Variants in COL8A1 observed in about 807,000 individuals in gnomAD.
The protein encoded by COL8A1 is collagen type VIII alpha 1 chain, also known as collagen alpha-1(VIII) chain.
COL8A1 carries 21 observed loss-of-function variants against 42.7 expected under a neutral mutation model. The ratio of observed to expected loss-of-function variants is 0.49; its 90% confidence interval spans 0.35 to 0.71. The LOEUF is 0.71. Ranked by LOEUF, COL8A1 falls within the 30% of genes least tolerant of loss-of-function variation. The probability of loss-of-function intolerance (pLI) is 0.01; values close to 1 mark genes in which losing one functional copy is unlikely to be tolerated. For missense variants in COL8A1, 788 were observed against 962.4 expected, an observed-to-expected ratio of 0.82 and a Z score of 2.40; for synonymous variants, 367 against 369.1, an observed-to-expected ratio of 0.99 and a Z score of 0.06.
At chr3:99,667,960 C>T (rs1235636103) in intron 1 of COL8A1, among the ~76,000 whole-genome samples, 1 of 151,982 alleles carries the variant, frequency 6.6e-6, no homozygotes, top group Non-Finnish European at 1.5e-5. Context: ...ATCTAATATG[C>T]TTAATAAGAA....
Position 99,643,643 on chromosome 3 carries a change from T to C in COL8A1, c.-129+4979T>C, listed in dbSNP as rs1189880841. Among the ~76,000 whole-genome samples the C allele has an allele frequency of 2.6e-5, 4 of 152,230 alleles. No homozygotes were observed. In the East Asian group the frequency reaches 7.7e-4, roughly 29 times the overall value. ...TATTGAGTTTAAGATTCTCCCTTGC[T>C]TTGGGAAATCTAGAAGAGTTCATTT... is the stretch of plus-strand genomic sequence containing the variant. On this transcript the variant is annotated intron_variant, in intron 1 of 3. Transcript: ENST00000652472.
intron 1 of COL8A1, among the ~76,000 whole-genome samples, chr3:99,719,617 G>GTGT (rs1940093029): frequency 6.6e-6 from 1 of 152,084 alleles, no homozygotes; most frequent in African/African-American, 2.4e-5. Context: ...ACTTTCTGGA[G>GTGT]GAAATGACAT....
chr3:99,729,791 TAAG>T (rs1940448394), intron 1 of COL8A1, among the ~76,000 whole-genome samples: 1 of 151,996 alleles, frequency 6.6e-6, no homozygotes, highest in South Asian at 2.1e-4. Flanking sequence ...CCAAGCATGA[TAAG>T]AAGCATGAAA....
intron 1 of COL8A1, among the ~76,000 whole-genome samples, chr3:99,733,105 T>C (rs1055296369): frequency 6.7e-6 from 1 of 148,848 alleles, no homozygotes. Context: ...ACAGCCTCTC[T>C]CCCAGCTTTT....
At position 99,699,272 on chromosome 3, in the gene COL8A1, A is replaced by C. The variant is rs573230830; in HGVS notation, c.-128-45625A>C. Reference sequence around the variant, plus strand: ...CTCATCTGTATACTCTCCTCCACTCACACCATCAACATTTGAACCAGCCCT... The same window carrying C: ...CTCATCTGTATACTCTCCTCCACTCCCACCATCAACATTTGAACCAGCCCT... On this transcript the variant is annotated intron_variant, in intron 1 of 3. Transcript: ENST00000652472. Among the ~76,000 whole-genome samples the C allele has an allele frequency of 2.0e-5, 3 of 152,256 alleles. No homozygotes were observed. In the East Asian group the frequency reaches 5.8e-4, roughly 29 times the overall value.
chr3:99,756,590 G>A (rs947602554), intron 2 of COL8A1, among the ~76,000 whole-genome samples: 1 of 152,104 alleles, frequency 6.6e-6, no homozygotes, highest in African/African-American at 2.4e-5. Flanking sequence ...GTTAAATATC[G>A]GCCTGAGATT....
At chr3:99,652,439 G>A (rs1034809510) in intron 1 of COL8A1, among the ~76,000 whole-genome samples, 1 of 152,224 alleles carries the variant, frequency 6.6e-6, no homozygotes, top group Non-Finnish European at 1.5e-5. Context: ...GAGGCTTAGA[G>A]AGATTAAGTC....
chr3:99,786,048 A>C (rs1941888147), intron 2 of COL8A1, among the ~76,000 whole-genome samples: 1 of 151,558 alleles, frequency 6.6e-6, no homozygotes, highest in East Asian at 1.9e-4. Flanking sequence ...TATTAGTGAA[A>C]GGTACCTTCA....
At chr3:99,727,292 A>G (rs1177135031) in intron 1 of COL8A1, among the ~76,000 whole-genome samples, 3 of 152,146 alleles carry the variant, frequency 2.0e-5, no homozygotes, top group South Asian at 2.1e-4. Context: ...GAAGTTGCCT[A>G]TCAGCTTAAG....
intron 1 of COL8A1, among the ~76,000 whole-genome samples, chr3:99,740,834 C>A (rs1398155416): frequency 6.6e-6 from 1 of 151,994 alleles, no homozygotes; most frequent in East Asian, 1.9e-4. Context: ...ACTGAAAATT[C>A]CATTCTAAAT....
intron 2 of COL8A1, among the ~76,000 whole-genome samples, chr3:99,775,583 C>T (rs1047399799): frequency 7.9e-5 from 12 of 152,148 alleles, no homozygotes; most frequent in African/African-American, 2.7e-4. Flanking sequence ...ACAAATTAAT[C>T]GTGCCATGAT....
At chr3:99,790,629 C>T in intron 2 of COL8A1, 51 bp from the exon 3 acceptor site, 1 of 1,483,254 alleles carries the variant, frequency 6.7e-7, no homozygotes, top group Non-Finnish European at 9.3e-7. Flanking sequence ...AAACTCAAGT[C>T]ACTTGGCCTT....
intron 1 of COL8A1, among the ~76,000 whole-genome samples, chr3:99,721,212 T>C (rs1940141268): frequency 6.6e-6 from 1 of 151,968 alleles, no homozygotes; most frequent in South Asian, 2.1e-4. Flanking sequence ...GTGCAAATGT[T>C]ACTCAGGGAA....
chr3:99,790,197 G>A (rs1281081165), intron 2 of COL8A1, among the ~76,000 whole-genome samples: 1 of 152,230 alleles, frequency 6.6e-6, no homozygotes, highest in African/African-American at 2.4e-5. Context: ...GGTCCAAGAT[G>A]TGTGGTCTGT....
chr3:99,742,995 C>A (rs1940936365), intron 1 of COL8A1, among the ~76,000 whole-genome samples: 1 of 152,112 alleles, frequency 6.6e-6, no homozygotes, highest in Non-Finnish European at 1.5e-5. Flanking sequence ...ATTGTATCCC[C>A]AACACTAAGC....
chr3:99,795,690 C>G lies in COL8A1; in HGVS notation c.1789C>G (p.Pro597Ala), dbSNP rs767659023. 1 of 1,613,934 alleles carries G rather than the reference C, an allele frequency of 6.2e-7. No homozygotes were observed. Among genetic ancestry groups the G allele is most frequent in the Admixed American group, 1.7e-5 (1 of 60,010 alleles). ...DMGLGIDGVK[P>A]PHAYGAKKGK... ...GGGGCTGGGAATTGATGGCGTGAAA[C>G]CCCCCCATGCCTACGGGGCTAAGAA... The change falls in exon 4 of 4, where the codon CCC becomes GCC. Residue 597 changes from proline to alanine, a missense_variant. Around this residue, in one of 4 missense-constraint regions of COL8A1, gnomAD observed 212 missense variants for 210.9 expected, o/e 1.00. Transcript: ENST00000652472.
intron 1 of COL8A1, among the ~76,000 whole-genome samples, chr3:99,672,842 G>T (rs1019388685): frequency 6.6e-6 from 1 of 151,970 alleles, no homozygotes; most frequent in Non-Finnish European, 1.5e-5. Context: ...TTTTGGAGTA[G>T]TTCTCCATTT....
At chr3:99,715,615 C>T (rs965509380) in intron 1 of COL8A1, among the ~76,000 whole-genome samples, 1 of 152,024 alleles carries the variant, frequency 6.6e-6, no homozygotes, top group African/African-American at 2.4e-5. Context: ...CAGTTCCCAA[C>T]CTCCCAATCC....
chr3:99,679,665 A>C (rs1383339432), intron 1 of COL8A1: 1 of 152,240 alleles, frequency 6.6e-6, no homozygotes, highest in Non-Finnish European at 1.5e-5. Context: ...TGCTTGCCTC[A>C]TCTGTCAAAC....
Sources: allele counts gnomAD v4.1 joint callset (sites outside exome capture counted in the v4.1 genomes callset), GRCh38; gene constraint gnomAD v4.1.1; regional missense constraint gnomAD v4.1.1; transcripts MANE v1.5; gene names NCBI Gene and HGNC (gene_info 2026-07-23, HGNC 2026-07-21).